The following MED24 variants were observed in gnomAD, a reference collection of about 807,000 sequenced individuals.
The protein encoded by MED24 is mediator of RNA polymerase II transcription subunit 24.
MED24 carries 74 observed loss-of-function variants against 118.8 expected under a neutral mutation model. The ratio of observed to expected loss-of-function variants is 0.62; its 90% CI spans 0.52 to 0.76. The LOEUF (loss-of-function observed/expected upper bound fraction) is 0.76, where lower values mean the gene tolerates loss of function less well. Ranked by LOEUF, MED24 falls within the 30% of genes least tolerant of loss-of-function variation. The pLI, the probability that MED24 is intolerant of heterozygous loss-of-function variation, is 0.00. For synonymous variants in MED24, 521 were observed against 523.9 expected (o/e 0.99, Z 0.08); for missense variants, 1,041 against 1,278.9 (o/e 0.81, Z 2.84).
intron 22 of MED24, 81 bp from the exon 23 acceptor site, chr17:40,022,135 T>C: frequency 8.5e-7 from 1 of 1,173,852 alleles, no homozygotes; most frequent in Admixed American, 2.5e-5. Context: ...TGAGCTCCGA[T>C]TTGAGCGAGG....
intron 19 of MED24, among the ~76,000 whole-genome samples, chr17:40,025,858 G>A (rs1982582341): frequency 6.6e-6 from 1 of 152,210 alleles, no homozygotes; most frequent in African/African-American, 2.4e-5. Flanking sequence ...CTCCTAGACA[G>A]TCACACAGCT....
chr17:40,038,985 C>T (rs1022834814), intron 3 of MED24, among the ~76,000 whole-genome samples: 1 of 152,100 alleles, frequency 6.6e-6, no homozygotes, highest in Admixed American at 6.6e-5. Context: ...TTCCGGCGAG[C>T]GTTTTGTTTA....
Position 40,022,073 on chromosome 17 carries a change from A to G in MED24, c.2524-19T>C, listed in dbSNP as rs193125906. On this transcript the variant is annotated intron_variant, in intron 22 of 25. Transcript: ENST00000394128. Reference sequence around the variant, plus strand: ...TATAATCCTAGAGGGAGTGAAAGTCACTGTTATACACCCCTAAACCCCCCA... The same window carrying G: ...TATAATCCTAGAGGGAGTGAAAGTCGCTGTTATACACCCCTAAACCCCCCA... The G allele has an allele frequency of 1.3e-6, 2 of 1,538,110 alleles. No individual in the cohort carries two copies. Among genetic ancestry groups the G allele is most frequent in the Admixed American group, 3.8e-5 (2 of 52,516 alleles).
chr17:40,050,205 A>T (rs1178523285), intron 3 of MED24, among the ~76,000 whole-genome samples: 3 of 144,986 alleles, frequency 2.1e-5, no homozygotes, highest in South Asian at 2.2e-4. Flanking sequence ...ACGGTGGCTC[A>T]TTGGAGGCCG....
Position 40,022,737 on chromosome 17 carries a change from G to C in MED24, c.2340C>G (p.Thr780=). The part of the protein sequence containing the change: ...SIFCLDMQQV[T]LVLLGHILPG... ...GTAGGATGTGGCCCAGCAGGACCAG[G>C]GTCACTTGCTGCATGTCCAGGCAGA... is the stretch of plus-strand genomic sequence containing the variant. The change falls in exon 21 of 26, where the codon ACC becomes ACG. Residue 780 remains threonine, a synonymous_variant. Transcript: ENST00000394128. The C allele has an allele frequency of 1.2e-6, 2 of 1,613,900 alleles. No homozygotes were observed. Among genetic ancestry groups the C allele is most frequent in the Non-Finnish European group, 8.5e-7 (1 of 1,179,970 alleles).
At chr17:40,049,357 C>T (rs533184231) in intron 3 of MED24, among the ~76,000 whole-genome samples, 19 of 152,160 alleles carry the variant, frequency 1.2e-4, no homozygotes, top group South Asian at 8.3e-4. Flanking sequence ...CTCAATGTGC[C>T]GGCTAACTCA....
intron 13 of MED24, 46 bp from the exon 14 acceptor site, chr17:40,029,014 C>T (rs751313358): frequency 6.2e-7 from 1 of 1,612,798 alleles, no homozygotes; most frequent in Non-Finnish European, 8.5e-7. Flanking sequence ...ACTGAAGACC[C>T]CCCACCCAAG....
intron 23 of MED24, 111 bp from the exon 24 acceptor site, chr17:40,020,464 GGA>G: frequency 1.3e-6 from 2 of 1,543,546 alleles, no homozygotes; most frequent in Non-Finnish European, 8.8e-7. Context: ...ACTGGTACAT[GGA>G]GAGCCCAGAG....
chr17:40,043,627 G>A (rs9890268), intron 3 of MED24, among the ~76,000 whole-genome samples: 2,697 of 152,036 alleles, frequency 0.018, 103 homozygotes, highest in African/African-American at 0.062. Context: ...GGTGGCTCAC[G>A]TCTGTAATCC....
In MED24 at chr17:40,035,800, G is replaced by T; in HGVS notation, c.253-5C>A. 6.2e-7 allele frequency: 1 copy of T among 1,613,286 alleles called. No individual in the cohort carries two copies. The highest frequency in any genetic ancestry group is 8.5e-7 in the Non-Finnish European group (1 of 1,179,302). On this transcript the variant is annotated splice_region_variant and splice_polypyrimidine_tract_variant and intron_variant, in intron 4 of 25. Coordinates refer to ENST00000394128, the MANE Select transcript of MED24 (RefSeq NM_014815.4). Reference sequence around the variant, plus strand: ...GTCCCGAGAAAAGTCATCAAACTGTGGAAAGGACAGTGGAGATGCTACGGA... The same window carrying T: ...GTCCCGAGAAAAGTCATCAAACTGTTGAAAGGACAGTGGAGATGCTACGGA...
chr17:40,036,564 T>C (rs768183662), intron 3 of MED24, among the ~76,000 whole-genome samples: 1 of 151,638 alleles, frequency 6.6e-6, no homozygotes, highest in Non-Finnish European at 1.5e-5. Context: ...GGTGCGTGCC[T>C]ATAATCCCAG....
intron 9 of MED24, 173 bp downstream of exon 9, chr17:40,032,475 TA>T: frequency 1.7e-6 from 1 of 604,354 alleles, no homozygotes; most frequent in Non-Finnish European, 2.9e-6. Context: ...CCAAATGGGC[TA>T]AATATAGCCC....
At chr17:40,051,001 T>A (rs1226305018) in intron 3 of MED24, among the ~76,000 whole-genome samples, 3 of 152,070 alleles carry the variant, frequency 2.0e-5, no homozygotes, top group African/African-American at 7.2e-5. Flanking sequence ...CCGGGTGTAA[T>A]GGCATTTGCC....
chr17:40,029,134 C>T lies in MED24; in HGVS notation c.1267-166G>A, dbSNP rs1194448046. On this transcript the variant is annotated intron_variant, in intron 13 of 25. Coordinates refer to ENST00000394128, the MANE Select transcript of MED24 (RefSeq NM_014815.4). ...AACCCACCCCTGCTCTCCGATCCAT[C>T]CCTCTCATCTACACTGGCATGCAGG... 4.8e-5 allele frequency: 43 copies of T among 887,026 alleles called. No homozygotes were observed. In the South Asian group the frequency reaches 6.6e-4, roughly 14 times the overall value. The allele number at this position is 887,026 out of a possible 1,614,324, so 54.9% of individuals were successfully genotyped here.
rs1185780745 is a variant in MED24 at position 40,022,152 on chromosome 17, T to C, written c.2524-98A>G. On this transcript the variant is annotated intron_variant, in intron 22 of 25. Transcript: ENST00000394128. ...AGCTCCGATTTGAGCGAGGTCAGCA[T>C]GGCTAGCAGGGCCTCAGCCCCTCTC... The C allele has an allele frequency of 7.7e-6, 8 of 1,043,070 alleles. No homozygotes were observed. The East Asian group carries it at 2.0e-4, about 27-fold the overall frequency. 64.6% of individuals were successfully genotyped at this position (1,043,070 alleles called of 1,614,324 possible).
At chr17:40,040,532 A>C (rs1290483764) in intron 3 of MED24, among the ~76,000 whole-genome samples, 1 of 151,660 alleles carries the variant, frequency 6.6e-6, no homozygotes, top group Non-Finnish European at 1.5e-5. Flanking sequence ...TTTTTAAAAG[A>C]GTTTCCTATA....
chr17:40,039,538 A>C (rs1984311931), intron 3 of MED24, among the ~76,000 whole-genome samples: 1 of 152,246 alleles, frequency 6.6e-6, no homozygotes, highest in Non-Finnish European at 1.5e-5. Context: ...TTTGCACAGC[A>C]CTTGAGAGGG....
At chr17:40,020,249 C>T (rs577843531) in intron 24 of MED24, 24 bp downstream of exon 24, 28 of 1,493,784 alleles carry the variant, frequency 1.9e-5, no homozygotes, top group Admixed American at 1.2e-4. Context: ...GCCCCAGGTT[C>T]GGCAGCAGGG....
chr17:40,019,365 C>G lies in MED24; in HGVS notation c.*164G>C, dbSNP rs1364015640. On this transcript the variant is annotated 3_prime_UTR_variant, in exon 26 of 26. Coordinates refer to ENST00000394128, the MANE Select transcript of MED24 (RefSeq NM_014815.4). Reference sequence around the variant, plus strand: ...TTTGAAAGAAGAAACCGGGAGACATCCTGGAGGTCAGGAGTCAGGAGCGGG... The same window carrying G: ...TTTGAAAGAAGAAACCGGGAGACATGCTGGAGGTCAGGAGTCAGGAGCGGG... 3.1e-6 allele frequency: 2 copies of G among 640,544 alleles called. No homozygotes were observed. Among genetic ancestry groups the G allele is most frequent in the Non-Finnish European group, 5.4e-6 (2 of 368,262 alleles). The allele number at this position is 640,544 out of a possible 1,614,324, so 39.7% of individuals were successfully genotyped here.
Sources: gnomAD v4.1 joint callset for allele counts (sites outside exome capture counted in the v4.1 genomes callset) on GRCh38, gnomAD v4.1.1 for gene constraint, MANE v1.5 for transcripts, NCBI Gene and HGNC (gene_info 2026-07-23, HGNC 2026-07-21) for gene names.